SHPRH: variants seen among roughly 807,000 people sequenced by gnomAD.
SHPRH encodes SNF2 histone linker PHD RING helicase.
A neutral mutation model predicts 202.5 loss-of-function variants in SHPRH; 106 were observed. The observed-to-expected ratio is 0.52, with a 90% CI of 0.45 to 0.62. SHPRH has a LOEUF of 0.62. SHPRH is among the 20% of genes least tolerant of loss of function. The pLI is 0.00. For synonymous variants in SHPRH, 729 were observed against 686.0 expected (o/e 1.06, Z -0.98); for missense variants, 1,710 against 2,020.0 (o/e 0.85, Z 2.94).
chr6:145,959,280 T>G (rs1474504162), intron 1 of SHPRH, among the ~76,000 whole-genome samples: 2 of 152,242 alleles, frequency 1.3e-5, no homozygotes, highest in Non-Finnish European at 1.5e-5. Flanking sequence ...GCTGCATTCA[T>G]GCTAAGTACC....
chr6:145,952,318 T>C (rs762141133), intron 3 of SHPRH, 31 bp downstream of exon 3: 13 of 1,559,612 alleles, frequency 8.3e-6, no homozygotes, highest in Middle Eastern at 4.3e-4. Context: ...TCCTAAGTAA[T>C]AGCAATTTTT....
chr6:145,944,049 G>A (rs1057148062), intron 8 of SHPRH, among the ~76,000 whole-genome samples: 4 of 152,034 alleles, frequency 2.6e-5, no homozygotes, highest in African/African-American at 9.7e-5. Context: ...GAAAGATAAA[G>A]GAAGCTACTG....
intron 8 of SHPRH, 47 bp downstream of exon 8, chr6:145,945,326 CAGTAAGGT>C: frequency 6.5e-7 from 1 of 1,535,234 alleles, no homozygotes; most frequent in Non-Finnish European, 8.7e-7. Flanking sequence ...TCAATGTACT[CAGTAAGGT>C]ATCACATACG....
At chr6:145,948,142 G>T in intron 5 of SHPRH, 130 bp downstream of exon 5, 1 of 574,508 alleles carries the variant, frequency 1.7e-6, no homozygotes, top group Non-Finnish European at 3.0e-6. Flanking sequence ...CCATAGATAT[G>T]TCTAATCAAG....
intron 14 of SHPRH, among the ~76,000 whole-genome samples, chr6:145,931,528 G>A (rs1489030192): frequency 6.6e-6 from 1 of 151,938 alleles, no homozygotes; most frequent in Admixed American, 6.6e-5. Flanking sequence ...AGTAGAGACG[G>A]GGTTTCACCA....
At chr6:145,913,382 C>T in intron 24 of SHPRH, 96 bp downstream of exon 24, 2 of 1,110,316 alleles carry the variant, frequency 1.8e-6, no homozygotes, top group South Asian at 2.8e-5. Flanking sequence ...TTCATAGAAA[C>T]TAGTGGTGAG....
intron 16 of SHPRH, among the ~76,000 whole-genome samples, chr6:145,925,276 T>C (rs1166132556): frequency 6.6e-6 from 1 of 151,576 alleles, no homozygotes; most frequent in African/African-American, 2.4e-5. Context: ...TGTTAGGAAC[T>C]GAATTTTGTT....
intron 24 of SHPRH, among the ~76,000 whole-genome samples, chr6:145,911,842 A>T (rs3924499): frequency 0.63 from 96,255 of 151,872 alleles, 31,020 homozygotes; most frequent in African/African-American, 0.73. Context: ...TTGCCTATTA[A>T]CAGCTAATAC....
At chr6:145,935,655 T>G in intron 11 of SHPRH, 1 of 501,922 alleles carries the variant, frequency 2.0e-6, no homozygotes, top group East Asian at 3.1e-5. Context: ...GCTAAAATAA[T>G]GTTAGATTTA....
chr6:145,937,856 G>A (rs1786284941), intron 11 of SHPRH, among the ~76,000 whole-genome samples: 1 of 151,994 alleles, frequency 6.6e-6, no homozygotes, highest in Admixed American at 6.6e-5. Flanking sequence ...CAGCTCAGTT[G>A]TCAGCATCCC....
chr6:145,926,768 T>A (rs567611418), intron 15 of SHPRH, among the ~76,000 whole-genome samples: 5 of 152,118 alleles, frequency 3.3e-5, no homozygotes, highest in African/African-American at 1.2e-4. Context: ...ATAAGTGTTA[T>A]AATTAAAATA....
chr6:145,939,486 A>G (rs541705480), intron 11 of SHPRH, among the ~76,000 whole-genome samples: 1 of 152,216 alleles, frequency 6.6e-6, no homozygotes, highest in East Asian at 1.9e-4. Context: ...TTGTATCTCC[A>G]AAAAAACCGA....
At chr6:145,915,084 T>A (rs1347537350) in intron 23 of SHPRH, among the ~76,000 whole-genome samples, 2 of 147,782 alleles carry the variant, frequency 1.4e-5, no homozygotes, top group African/African-American at 4.9e-5. Flanking sequence ...ATAAATTTTA[T>A]AAATTTTAAT....
At chr6:145,929,050 C>A (rs1785165065) in intron 14 of SHPRH, among the ~76,000 whole-genome samples, 1 of 151,448 alleles carries the variant, frequency 6.6e-6, no homozygotes, top group African/African-American at 2.4e-5. Flanking sequence ...ATTACCATAC[C>A]TTTTAAAGAA....
chr6:145,962,621 T>C (rs748253683), intron 1 of SHPRH, among the ~76,000 whole-genome samples: 4 of 152,200 alleles, frequency 2.6e-5, no homozygotes, highest in Admixed American at 6.5e-5. Context: ...AAATTCACAT[T>C]TTTTCCCTCC....
At position 145,894,950 on chromosome 6, in the gene SHPRH, C is replaced by A; in HGVS notation, c.4543G>T (p.Val1515Leu). Reference protein sequence around the residue: ...KGSHSTKVEAVVRTLMKIQLR... With the variant: ...KGSHSTKVEALVRTLMKIQLR... The stretch of plus-strand genomic sequence containing the variant: ...TGTATTTTCATCAGAGTTCTGACCA[C>A]AGCTTCCACTTTTGTAGAATGGCTG... Residue 1515 changes from valine (V) to leucine (L), a missense_variant, in exon 26 of 30, where the codon GTG becomes TTG. Physicochemically the swap from Val to Leu is conservative, Grantham distance 32. Coordinates refer to ENST00000275233, the MANE Select transcript of SHPRH (RefSeq NM_001042683.3). The A allele has an allele frequency of 6.2e-7, 1 of 1,613,016 alleles. No individual in the cohort carries two copies. Among genetic ancestry groups the A allele is most frequent in the Non-Finnish European group, 8.5e-7 (1 of 1,179,304 alleles).
At chr6:145,902,224 A>G (rs1355941942) in intron 25 of SHPRH, among the ~76,000 whole-genome samples, 2 of 152,158 alleles carry the variant, frequency 1.3e-5, no homozygotes, top group Non-Finnish European at 2.9e-5. Context: ...CACTAGCACC[A>G]AAGGCCAATA....
chr6:145,917,789 T>A (rs1393351677), intron 23 of SHPRH: 1 of 170,778 alleles, frequency 5.9e-6, no homozygotes, highest in African/African-American at 2.4e-5. Flanking sequence ...TTACAACATA[T>A]TTTTGTATTG....
chr6:145,905,769 G>A (rs1458925922), intron 25 of SHPRH: 1 of 151,842 alleles, frequency 6.6e-6, no homozygotes, highest in African/African-American at 2.4e-5. Flanking sequence ...ATGTATTCAG[G>A]GGATTCACAG....
Sources: allele counts gnomAD v4.1 joint callset (sites outside exome capture counted in the v4.1 genomes callset), GRCh38; gene constraint gnomAD v4.1.1; transcripts MANE v1.5; gene names NCBI Gene and HGNC (gene_info 2026-07-23, HGNC 2026-07-21).